The following MAD1L1 variants were observed in gnomAD, a reference collection of about 807,000 sequenced individuals.
MAD1L1 encodes the protein mitotic arrest deficient 1 like 1, also known as mitotic spindle assembly checkpoint protein MAD1.
In MAD1L1, 95 loss-of-function variants were observed where a neutral mutation model predicts 96.9. The observed-to-expected ratio is 0.98, with a 90% CI of 0.83 to 1.16. MAD1L1 has a LOEUF of 1.16. Among genes scored for constraint, MAD1L1 ranks in the 50% most tolerant of loss-of-function variants. The pLI is 0.00. For synonymous variants in MAD1L1, 473 were observed against 396.6 expected (o/e 1.19, Z -2.29); for missense variants, 1,007 against 954.4 (o/e 1.06, Z -0.73).
In MAD1L1 at chr7:1,957,708, T is replaced by G. The variant is rs758808458; in HGVS notation, c.1517A>C (p.Glu506Ala). 5.0e-6 allele frequency: 8 copies of G among 1,613,986 alleles called. No individual in the cohort carries two copies. In the Admixed American group the frequency reaches 6.7e-5, roughly 13 times the overall value. ...CCGACTCCGCTCGCCTTCCAGCTCC[T>G]CGACCTTCAACCTGCAAGGACAGCA... Reference protein sequence around the residue: ...EEADTLRLKVEELEGERSRLE... With the variant: ...EEADTLRLKVAELEGERSRLE... The change falls in exon 16 of 19, where the codon GAG becomes GCG. Residue 506 changes from glutamate to alanine, a missense_variant. By Grantham distance (107) the Glu-to-Ala change is moderately radical (BLOSUM62 -1). Coordinates refer to ENST00000265854, the MANE Select transcript of MAD1L1 (RefSeq NM_001013836.2).
intron 17 of MAD1L1, among the ~76,000 whole-genome samples, chr7:1,919,944 C>T (rs999181631): frequency 2.0e-5 from 3 of 152,108 alleles, no homozygotes; most frequent in African/African-American, 7.2e-5. Flanking sequence ...GTCAGCCTTA[C>T]CCACACCCCT....
At chr7:1,919,007 C>T (rs983875504) in intron 17 of MAD1L1, among the ~76,000 whole-genome samples, 1 of 152,272 alleles carries the variant, frequency 6.6e-6, no homozygotes, top group African/African-American at 2.4e-5. Context: ...CTCTTGCCAG[C>T]AGGGCAGTTC....
chr7:1,994,246 G>T (rs764171654), intron 14 of MAD1L1, among the ~76,000 whole-genome samples: 1 of 152,222 alleles, frequency 6.6e-6, no homozygotes, highest in Non-Finnish European at 1.5e-5. Flanking sequence ...GCACAGGGAC[G>T]ATGGTGGCGG....
At chr7:1,817,814 C>T (rs539208074) in intron 18 of MAD1L1, among the ~76,000 whole-genome samples, 48 of 152,196 alleles carry the variant, frequency 3.2e-4, no homozygotes, top group Non-Finnish European at 5.9e-4. Flanking sequence ...TGGCTCCATC[C>T]AGCTTGGTCC....
intron 11 of MAD1L1, among the ~76,000 whole-genome samples, chr7:2,121,895 C>T (rs779279729): frequency 8.5e-5 from 13 of 152,182 alleles, no homozygotes; most frequent in African/African-American, 1.2e-4. Flanking sequence ...CGTGCAGCAG[C>T]CAGATGTGGG....
intron 17 of MAD1L1, among the ~76,000 whole-genome samples, chr7:1,917,461 C>T (rs947415798): frequency 2.0e-5 from 3 of 152,212 alleles, no homozygotes; most frequent in Non-Finnish European, 4.4e-5. Context: ...CTCCCAGCAG[C>T]GCCGCCCCTC....
intron 18 of MAD1L1, among the ~76,000 whole-genome samples, chr7:1,839,469 C>T (rs1783123519): frequency 1.3e-5 from 2 of 152,140 alleles, no homozygotes; most frequent in Admixed American, 1.3e-4. Flanking sequence ...GGGCCTGGGG[C>T]GGGGAACCAG....
At chr7:1,856,325 C>T (rs576900671) in intron 18 of MAD1L1, among the ~76,000 whole-genome samples, 31 of 152,298 alleles carry the variant, frequency 2.0e-4, no homozygotes, top group Admixed American at 9.1e-4. Flanking sequence ...AGACGTGGGG[C>T]CACGCTCTGG....
chr7:2,044,326 A>C (rs1783825839), intron 12 of MAD1L1, among the ~76,000 whole-genome samples: 1 of 152,178 alleles, frequency 6.6e-6, no homozygotes, highest in Admixed American at 6.5e-5. Flanking sequence ...TGGGTTCCAC[A>C]CAGCCAGCAC....
At chr7:2,150,656 G>C (rs1789528468) in intron 10 of MAD1L1, among the ~76,000 whole-genome samples, 1 of 152,236 alleles carries the variant, frequency 6.6e-6, no homozygotes, top group African/African-American at 2.4e-5. Flanking sequence ...TGTTTCTGGA[G>C]TGTCTTCCAT....
At chr7:1,895,495 G>C (rs1786809600) in intron 18 of MAD1L1, among the ~76,000 whole-genome samples, 1 of 152,238 alleles carries the variant, frequency 6.6e-6, no homozygotes, top group Non-Finnish European at 1.5e-5. Flanking sequence ...AACTTGTAAA[G>C]CCCTTCCATA....
At chr7:2,140,669 C>A (rs1788985076) in intron 11 of MAD1L1, among the ~76,000 whole-genome samples, 1 of 152,248 alleles carries the variant, frequency 6.6e-6, no homozygotes, top group South Asian at 2.1e-4. Flanking sequence ...CAAGGAGCAA[C>A]CAGGCCTCCA....
intron 11 of MAD1L1, among the ~76,000 whole-genome samples, chr7:2,100,355 G>A (rs3778969): frequency 0.3 from 45,441 of 152,180 alleles, 8,362 homozygotes; most frequent in East Asian, 0.51. Context: ...CCTTCTGACA[G>A]ATAGTAAGAA....
chr7:2,054,166 TG>T (rs989114418), intron 12 of MAD1L1, among the ~76,000 whole-genome samples: 1 of 152,210 alleles, frequency 6.6e-6, no homozygotes, highest in African/African-American at 2.4e-5. Context: ...CAGCCTCACC[TG>T]GAACTGTCCA....
At chr7:2,065,223 C>T (rs1195383266) in intron 12 of MAD1L1, among the ~76,000 whole-genome samples, 1 of 152,182 alleles carries the variant, frequency 6.6e-6, no homozygotes, top group East Asian at 1.9e-4. Flanking sequence ...CTTCTTGGGC[C>T]CAGTCTCCAT....
intron 10 of MAD1L1, among the ~76,000 whole-genome samples, chr7:2,184,169 A>G (rs1322764340): frequency 3.3e-5 from 5 of 151,852 alleles, no homozygotes; most frequent in Admixed American, 2.6e-4. Flanking sequence ...GGAGAATGGC[A>G]TGAATCCGGG....
At chr7:1,852,858 G>A (rs982025714) in intron 18 of MAD1L1, among the ~76,000 whole-genome samples, 4 of 151,956 alleles carry the variant, frequency 2.6e-5, no homozygotes, top group South Asian at 2.1e-4. Flanking sequence ...TCTGAGAGCC[G>A]CACGTGCTGA....
rs1789319349 is a variant in MAD1L1, at chr7:2,146,580, G to A, written c.1073+2572C>T. On this transcript the variant is annotated intron_variant, in intron 11 of 18. Transcript: ENST00000265854. The surrounding 1 kb of genome is among the most constrained non-coding windows in gnomAD (Gnocchi z 6.2). Reference sequence around the variant, plus strand: ...CTGGTCCGCACAGACGAGGGAAAATGCCCAGCAGCTGCTCTCATGACCCGT... The same window carrying A: ...CTGGTCCGCACAGACGAGGGAAAATACCCAGCAGCTGCTCTCATGACCCGT... Among the ~76,000 whole-genome samples, 1 of 152,234 alleles carries A rather than the reference G, an allele frequency of 6.6e-6. No individual in the cohort carries two copies. The highest frequency in any genetic ancestry group is 1.5e-5 in the Non-Finnish European group (1 of 68,030).
At chr7:1,962,099 CAT>C (rs1434218990) in intron 15 of MAD1L1, among the ~76,000 whole-genome samples, 1 of 152,106 alleles carries the variant, frequency 6.6e-6, no homozygotes, top group Non-Finnish European at 1.5e-5. Flanking sequence ...GATAATGAAT[CAT>C]AGGGCGGTTT....
Sources: allele counts gnomAD v4.1 joint callset (sites outside exome capture counted in the v4.1 genomes callset), GRCh38; gene constraint gnomAD v4.1.1; non-coding constraint Gnocchi (gnomAD v3.1); transcripts MANE v1.5; gene names NCBI Gene and HGNC (gene_info 2026-07-23, HGNC 2026-07-21).